The following NID2 variants were observed in gnomAD, a reference collection of about 807,000 sequenced individuals.
NID2 encodes nidogen-2.
Under a neutral mutation model 145.4 loss-of-function variants are expected in NID2, and 83 were observed. The observed-to-expected ratio is 0.57, with a 90% CI of 0.48 to 0.69. NID2 has a LOEUF of 0.69. NID2 is among the 30% of genes least tolerant of loss of function. The probability of loss-of-function intolerance (pLI) is 0.00; values close to 1 mark genes in which losing one functional copy is unlikely to be tolerated. For missense variants in NID2, 1,807 were observed against 1,765.7 expected (o/e 1.02, Z -0.42); for synonymous variants, 739 against 701.3 (o/e 1.05, Z -0.85).
chr14:52,023,834 A>C (rs1283911973), intron 12 of NID2, among the ~76,000 whole-genome samples: 1 of 152,222 alleles, frequency 6.6e-6, no homozygotes. Flanking sequence ...ATCCAAGTGC[A>C]GCCTCTCCAG....
Position 52,006,308 on chromosome 14 carries a change from T to C in NID2, c.4004+229A>G, listed in dbSNP as rs1336338500. The C allele has an allele frequency of 9.5e-5, 47 of 495,890 alleles. No individual in the cohort carries two copies. In the Admixed American group the frequency reaches 1.6e-3, roughly 17 times the overall value. The allele number at this position is 495,890 out of a possible 1,614,324, so 30.7% of individuals were successfully genotyped here. A position where few individuals can be genotyped will look rare whatever the true frequency, so the allele number is the denominator to read the frequency against. ...AATAGCTTTGCTACTTTTTAAGCTA[T>C]ATGTGAGCAATACCATTCGATTTCT... On this transcript the variant is annotated intron_variant, in intron 20 of 21. Transcript: ENST00000216286.
intron 2 of NID2, among the ~76,000 whole-genome samples, chr14:52,061,559 G>C (rs117494150): frequency 2.4e-3 from 367 of 152,214 alleles, no homozygotes; most frequent in Non-Finnish European, 3.8e-3. Flanking sequence ...CAAGAGCCGG[G>C]GTGTGTGTCC....
intron 14 of NID2, among the ~76,000 whole-genome samples, chr14:52,017,278 G>A (rs973293313): frequency 1.3e-5 from 2 of 152,142 alleles, no homozygotes; most frequent in Non-Finnish European, 2.9e-5. Context: ...GTTACTATTT[G>A]CTACTTTTCA....
chr14:52,015,063 T>C lies in NID2; in HGVS notation c.3241A>G (p.Thr1081Ala), dbSNP rs755008512. Reference protein sequence around the residue: ...VQGTRSQPGTTPACIPTVAPP... With the variant: ...VQGTRSQPGTAPACIPTVAPP... ...GCGGCCAGGTGCTTACACGCAGGGG[T>C]GGTGCCTGGCTGGGAGCGGGTGCCC... The change falls in exon 15 of 22, where the codon ACC becomes GCC. Residue 1081 changes from threonine to alanine, a missense_variant. Transcript: ENST00000216286. The C allele has an allele frequency of 7.4e-6, 12 of 1,613,066 alleles. No homozygotes were observed. In the Admixed American group the frequency reaches 1.3e-4, roughly 18 times the overall value.
chr14:52,029,786 G>A (rs930140629), intron 9 of NID2, 96 bp from the exon 10 acceptor site: 1 of 1,015,930 alleles, frequency 9.8e-7, no homozygotes, highest in Non-Finnish European at 1.5e-6. Flanking sequence ...GCATGTCTGT[G>A]TTTTGTGACA....
chr14:52,040,549 A>G, intron 8 of NID2, 102 bp downstream of exon 8: 4 of 956,410 alleles, frequency 4.2e-6, no homozygotes, highest in Non-Finnish European at 3.4e-6. Context: ...TGTTCCATGC[A>G]CTGTTCTAAG....
chr14:52,030,481 A>AAAAGAAAAGAAAAGAAAGAAAGAAAG lies in NID2; in HGVS notation c.2258-792_2258-791insCTTTCTTTCTTTCTTTTCTTTTCTTT, dbSNP rs1555363676. The stretch of plus-strand genomic sequence containing the variant: ...GCCAAGACCTTATCTCGAGAGAAAG[A>AAAAGAAAAGAAAAGAAAGAAAGAAAG]AAAGAAAGAAAGAAAGAAAGAGAAA... On this transcript the variant is annotated intron_variant, in intron 9 of 21. Coordinates refer to ENST00000216286, the MANE Select transcript of NID2 (RefSeq NM_007361.4). Among the ~76,000 whole-genome samples, 84 of 115,370 alleles carry AAAAGAAAAGAAAAGAAAGAAAGAAAG rather than the reference A, an allele frequency of 7.3e-4. 2 individuals are homozygous for AAAAGAAAAGAAAAGAAAGAAAGAAAG. Among genetic ancestry groups the AAAAGAAAAGAAAAGAAAGAAAGAAAG allele is most frequent in the African/African-American group, 2.7e-3 (83 of 31,206 alleles). 75.7% of individuals were successfully genotyped at this position (115,370 alleles called of 152,430 possible). A position where few individuals can be genotyped will look rare whatever the true frequency, so the allele number is the denominator to read the frequency against.
chr14:52,043,840 A>T (rs2140405883), intron 5 of NID2, among the ~76,000 whole-genome samples: 1 of 152,226 alleles, frequency 6.6e-6, no homozygotes, highest in South Asian at 2.1e-4. Flanking sequence ...GGCACTAGGA[A>T]ATATGCCAAT....
In NID2 at chr14:52,012,649, G is replaced by A. The variant is rs1256275215; in HGVS notation, c.3421-966C>T. Reference sequence around the variant, plus strand: ...TTGGGTTAAGGAACTAGGGAGTAGTGGTTATCCAACCTCTGGCTAGTGAGG... The same window carrying A: ...TTGGGTTAAGGAACTAGGGAGTAGTAGTTATCCAACCTCTGGCTAGTGAGG... On this transcript the variant is annotated intron_variant, in intron 16 of 21. Transcript: ENST00000216286. Among the ~76,000 whole-genome samples the A allele has an allele frequency of 2.6e-5, 4 of 152,222 alleles. No individual in the cohort carries two copies. In the South Asian group the frequency reaches 8.3e-4, roughly 32 times the overall value.
At chr14:52,016,032 C>T (rs767230876) in intron 14 of NID2, among the ~76,000 whole-genome samples, 1 of 152,112 alleles carries the variant, frequency 6.6e-6, no homozygotes, top group Non-Finnish European at 1.5e-5. Flanking sequence ...AGCTTCCTGC[C>T]GTGTTGCCCT....
intron 15 of NID2, 40 bp from the exon 16 acceptor site, chr14:52,014,496 G>A: frequency 1.3e-6 from 2 of 1,565,538 alleles, no homozygotes; most frequent in Non-Finnish European, 1.7e-6. Flanking sequence ...GGGGAACAAG[G>A]GCAGGCAGGG....
intron 9 of NID2, among the ~76,000 whole-genome samples, chr14:52,034,268 T>C (rs1160505595): frequency 6.6e-6 from 1 of 151,642 alleles, no homozygotes; most frequent in Non-Finnish European, 1.5e-5. Context: ...ATCTTTTTCC[T>C]AAATGGTTCC....
chr14:52,047,526 C>T (rs150027459), intron 5 of NID2, among the ~76,000 whole-genome samples: 5 of 152,130 alleles, frequency 3.3e-5, no homozygotes, highest in East Asian at 3.9e-4. Flanking sequence ...TAGAGGGTTT[C>T]GAGCAGAAGA....
In NID2 at chr14:52,007,935, G is replaced by C. The variant is rs1241082439; in HGVS notation, c.3755C>G (p.Ala1252Gly). The change falls in exon 19 of 22, where the codon GCT becomes GGT. Residue 1252 changes from alanine to glycine, a missense_variant. Ala to Gly is a moderately conservative substitution (Grantham distance 60). Coordinates refer to ENST00000216286, the MANE Select transcript of NID2 (RefSeq NM_007361.4). ...TAAAGATGACGTTTCAATTTTAGGAGCTTCTCTATTCCAGTCTGTCCAGTA... is the reference window on the plus strand; with the variant it reads ...TAAAGATGACGTTTCAATTTTAGGACCTTCTCTATTCCAGTCTGTCCAGTA... The part of the protein sequence containing the change: ...NLYWTDWNRE[A>G]PKIETSSLDG... 1 of 1,613,436 alleles carries C rather than the reference G, an allele frequency of 6.2e-7. No individual in the cohort carries two copies. Among genetic ancestry groups the C allele is most frequent in the Non-Finnish European group, 8.5e-7 (1 of 1,179,804 alleles).
chr14:52,041,322 A>AT (rs544119376), intron 7 of NID2, among the ~76,000 whole-genome samples: 35 of 152,272 alleles, frequency 2.3e-4, no homozygotes, highest in Middle Eastern at 3.4e-3. Flanking sequence ...CAGGTGTGCC[A>AT]TTTTTTATCT....
chr14:52,042,673 A>G, intron 6 of NID2, 109 bp downstream of exon 6: 1 of 1,149,412 alleles, frequency 8.7e-7, no homozygotes, highest in Non-Finnish European at 1.3e-6. Flanking sequence ...TAGCACTCTG[A>G]TTTAAGTAGT....
rs1891722104 is a variant in NID2, at chr14:52,029,572, G to C, written c.2376C>G (p.Tyr792Ter). 6.2e-7 allele frequency: 1 copy of C among 1,613,036 alleles called. No individual in the cohort carries two copies. The highest frequency in any genetic ancestry group is 8.5e-7 in the Non-Finnish European group (1 of 1,179,324). ...VDYTCECASG[Y>*]QGDGRNCVDE... ...CCACACAGTTCCGTCCATCTCCCTG[G>C]TACCCAGATGCGCACTCACAGGTGT... The change falls in exon 10 of 22, where the codon TAC (tyrosine) becomes TAG (stop). Residue 792 changes from tyrosine (Y) to a stop codon, truncating the protein, a stop_gained. Transcript: ENST00000216286. LOFTEE classifies it high-confidence loss of function.
chr14:52,028,385 C>T (rs888866934), intron 11 of NID2, among the ~76,000 whole-genome samples: 1 of 152,136 alleles, frequency 6.6e-6, no homozygotes. Flanking sequence ...AGCAATCCTC[C>T]TATCTCAGCC....
At chr14:52,049,196 TTTTG>T (rs201718615) in intron 5 of NID2, among the ~76,000 whole-genome samples, 164 of 138,192 alleles carry the variant, frequency 1.2e-3, no homozygotes, top group Non-Finnish European at 1.7e-3. Flanking sequence ...TTAATGTTTT[TTTTG>T]TTTGTTTTTA....
Sources: allele counts gnomAD v4.1 joint callset (sites outside exome capture counted in the v4.1 genomes callset), GRCh38; gene constraint gnomAD v4.1.1; transcripts MANE v1.5; gene names NCBI Gene and HGNC (gene_info 2026-07-23, HGNC 2026-07-21).